RPS25: variants seen among roughly 807,000 people sequenced by gnomAD.
The protein encoded by RPS25 is ribosomal protein S25, also known as small ribosomal subunit protein eS25.
In RPS25, 1 loss-of-function variant was observed where a neutral mutation model predicts 14.4. That is an observed-to-expected ratio of 0.07 (90% CI 0.02 to 0.33). The LOEUF (loss-of-function observed/expected upper bound fraction) is 0.33. Ranked by LOEUF, RPS25 falls within the 10% of genes least tolerant of loss-of-function variation. The pLI is 1.00. For missense variants in RPS25, 65 were observed against 144.6 expected (o/e 0.45, Z 2.82); for synonymous variants, 63 against 53.8 (o/e 1.17, Z -0.75).
At chr11:119,018,188 A>T in intron 1 of RPS25, 94 bp downstream of exon 1, 1 of 1,595,404 alleles carries the variant, frequency 6.3e-7, no homozygotes, top group East Asian at 2.2e-5. Context: ...CCTGCAACCG[A>T]GGCCGGCAGG....
intron 3 of RPS25, among the ~76,000 whole-genome samples, chr11:119,016,154 G>A (rs572294021): frequency 6.6e-6 from 1 of 152,266 alleles, no homozygotes; most frequent in East Asian, 1.9e-4. Flanking sequence ...TGGGCATGGT[G>A]GCACATGCTT....
rs149646116 is a variant in RPS25, at chr11:119,018,012, C to A, written c.45G>T (p.Ser15=). 1.6e-5 allele frequency: 26 copies of A among 1,612,168 alleles called. No homozygotes were observed. The highest frequency in any genetic ancestry group is 2.2e-4 in the Middle Eastern group (1 of 4,566). ...TCACTGGGTCTTTGTCTTTCTTGGC[C>A]GACTTTCCAGCGTCCTTCTTCTTCT... ...DDKKKKDAGK[S]AKKDKDPVNK... The change falls in exon 2 of 5, where the codon TCG becomes TCT. Residue 15 remains serine (S), a synonymous_variant. Coordinates refer to ENST00000527673, the MANE Select transcript of RPS25 (RefSeq NM_001028.3).
rs77562467 is a variant in RPS25 at position 119,017,832 on chromosome 11, G to A, written c.99+126C>T. ...GAAAAAGAACGAGTGGTGACGGGAA[G>A]ATAAACTCTCACATTTTGACTCTAG... On this transcript the variant is annotated intron_variant, in intron 2 of 4. Transcript: ENST00000527673. The A allele has an allele frequency of 5.1e-4, 410 of 796,452 alleles. 1 individual carries two copies. The East Asian group carries it at 6.0e-3, about 12-fold the overall frequency. The allele number at this position is 796,452 out of a possible 1,614,324, so 49.3% of individuals were successfully genotyped here.
Position 119,017,925 on chromosome 11 carries a change from C to T in RPS25, c.99+33G>A, listed in dbSNP as rs184861341. On this transcript the variant is annotated intron_variant, in intron 2 of 4. Coordinates refer to ENST00000527673, the MANE Select transcript of RPS25 (RefSeq NM_001028.3). ...TACTAGAGGATTACGAGAGAGTTAC[C>T]CCTAGTCTCTTTCAGAGAGGTCTTA... The T allele has an allele frequency of 4.2e-5, 64 of 1,538,048 alleles. 1 individual carries two copies. In the Middle Eastern group the frequency reaches 1.1e-3, roughly 27 times the overall value.
rs1330402377 is a variant in RPS25, at chr11:119,015,823, CCA to C, written c.*4+16_*4+17del. On this transcript the variant is annotated intron_variant, in intron 4 of 4. Transcript: ENST00000527673. The stretch of plus-strand genomic sequence containing the variant: ...TGTATCTACCTCCTACACCATGAGC[CCA>C]CACATTCCTACTCACCTATTCATGC... 1.3e-6 allele frequency: 2 copies of C among 1,518,288 alleles called. No homozygotes were observed. Among genetic ancestry groups the C allele is most frequent in the East Asian group, 2.3e-5 (1 of 44,438 alleles). 94.1% of individuals were successfully genotyped at this position (1,518,288 alleles called of 1,614,324 possible). A position where few individuals can be genotyped will look rare whatever the true frequency, so the allele number is the denominator to read the frequency against.
At position 119,017,446 on chromosome 11, in the gene RPS25, G is replaced by A; in HGVS notation, c.199C>T (p.Leu67Phe). 4 of 1,614,052 alleles carry A rather than the reference G, an allele frequency of 2.5e-6. No individual in the cohort carries two copies. Among genetic ancestry groups the A allele is most frequent in the Non-Finnish European group, 3.4e-6 (4 of 1,179,924 alleles). Residue 67 changes from leucine (L) to phenylalanine (F), a missense_variant, in exon 3 of 5, where the codon CTT becomes TTT. By Grantham distance (22) the Leu-to-Phe change is conservative. Transcript: ENST00000527673. ...KLCKEVPNYK[L>F]ITPAVVSERL... ...TCAGAGACCACAGCTGGGGTTATAA[G>A]TTTATAGTTGGGAACTTCCTTACAG...
Position 119,017,564 on chromosome 11 carries a change from CAG to C in RPS25, c.100-21_100-20del, listed in dbSNP as rs781871483. 2.1e-5 allele frequency: 33 copies of C among 1,606,614 alleles called. No homozygotes were observed. Among genetic ancestry groups the C allele is most frequent in the East Asian group, 8.9e-5 (4 of 44,778 alleles). ...ACCACTTCTGCTCACCAAAACAAAACAGAAACAAGTTAGTATTTCTGGCAGAA... is the reference window on the plus strand; with the variant it reads ...ACCACTTCTGCTCACCAAAACAAAACAAACAAGTTAGTATTTCTGGCAGAA... On this transcript the variant is annotated intron_variant, in intron 2 of 4. Transcript: ENST00000527673.
intron 4 of RPS25, 23 bp downstream of exon 4, chr11:119,015,818 T>C: frequency 2.7e-6 from 4 of 1,488,826 alleles, no homozygotes; most frequent in South Asian, 2.3e-5. Context: ...TCCTACACCA[T>C]GAGCCCACAC....
intron 1 of RPS25, 48 bp downstream of exon 1, chr11:119,018,234 A>G (rs1006280700): frequency 5.0e-6 from 8 of 1,613,746 alleles, no homozygotes; most frequent in Non-Finnish European, 5.9e-6. Flanking sequence ...CTCCCCACTG[A>G]GTCCTCAAAC....
chr11:119,016,887 G>A (rs1943173359), intron 3 of RPS25, among the ~76,000 whole-genome samples: 1 of 152,064 alleles, frequency 6.6e-6, no homozygotes, highest in Non-Finnish European at 1.5e-5. Flanking sequence ...CTCCCAAAGT[G>A]CTAGAATTAT....
At chr11:119,016,965 T>C (rs1028827369) in intron 3 of RPS25, among the ~76,000 whole-genome samples, 24 of 152,120 alleles carry the variant, frequency 1.6e-4, no homozygotes, top group Admixed American at 1.3e-4. Context: ...ACCATACTAC[T>C]GAGTAGACCG....
chr11:119,016,024 A>C, intron 3 of RPS25, 85 bp from the exon 4 acceptor site: 17 of 811,510 alleles, frequency 2.1e-5, no homozygotes, highest in Non-Finnish European at 3.0e-5. Context: ...GCGGTGGCTC[A>C]TGCTTATAAT....
chr11:119,017,891 G>A lies in RPS25; in HGVS notation c.99+67C>T, dbSNP rs782565866. ...ACCTGAAAAACCACTTACTATACAA[G>A]TTACCTATTACTAGAGGATTACGAG... On this transcript the variant is annotated intron_variant, in intron 2 of 4. Transcript: ENST00000527673. 2.4e-6 allele frequency: 3 copies of A among 1,269,638 alleles called. No homozygotes were observed. The South Asian group carries it at 3.6e-5, about 15-fold the overall frequency. 78.6% of individuals were successfully genotyped at this position (1,269,638 alleles called of 1,614,324 possible). A position where few individuals can be genotyped will look rare whatever the true frequency, so the allele number is the denominator to read the frequency against.
intron 3 of RPS25, among the ~76,000 whole-genome samples, chr11:119,017,006 A>G (rs921067109): frequency 4.6e-5 from 7 of 152,270 alleles, no homozygotes; most frequent in Admixed American, 3.9e-4. Flanking sequence ...AATTTAATAC[A>G]TCAACAAAAT....
intron 1 of RPS25, 110 bp downstream of exon 1, chr11:119,018,172 G>A: frequency 6.3e-7 from 1 of 1,578,896 alleles, no homozygotes; most frequent in Non-Finnish European, 8.7e-7. Context: ...CAATAACCGC[G>A]CCCGCCCTGC....
intron 3 of RPS25, among the ~76,000 whole-genome samples, chr11:119,016,497 C>G (rs1164214353): frequency 6.6e-6 from 1 of 152,146 alleles, no homozygotes; most frequent in African/African-American, 2.4e-5. Flanking sequence ...TTTGGCCTCC[C>G]AAGTAGCTAG....
rs561284505 is a variant in RPS25, at chr11:119,018,152, A to G, written c.4-99T>C. 4.9e-5 allele frequency: 77 copies of G among 1,563,348 alleles called. No homozygotes were observed. The East Asian group carries it at 1.7e-3, about 34-fold the overall frequency. ...CCCGCAAACTCCACCACCAGAGCAC[A>G]TGGGCCAAGCAATAACCGCGCCCGC... On this transcript the variant is annotated intron_variant, in intron 1 of 4. Transcript: ENST00000527673.
At chr11:119,016,152 G>A (rs780082095) in intron 3 of RPS25, among the ~76,000 whole-genome samples, 2 of 152,178 alleles carry the variant, frequency 1.3e-5, no homozygotes, top group African/African-American at 2.4e-5. Context: ...GCTGGGCATG[G>A]TGGCACATGC....
rs1411671807 is a variant in RPS25, at chr11:119,015,810, C to G, written c.*4+31G>C. On this transcript the variant is annotated intron_variant, in intron 4 of 4. Coordinates refer to ENST00000527673, the MANE Select transcript of RPS25 (RefSeq NM_001028.3). The stretch of plus-strand genomic sequence containing the variant: ...AACCATAAAGCTTTGTATCTACCTC[C>G]TACACCATGAGCCCACACATTCCTA... 2.8e-6 allele frequency: 4 copies of G among 1,450,620 alleles called. No homozygotes were observed. In the South Asian group the frequency reaches 4.6e-5, roughly 17 times the overall value. 89.9% of individuals were successfully genotyped at this position (1,450,620 alleles called of 1,614,324 possible).
Sources: allele counts gnomAD v4.1 joint callset (sites outside exome capture counted in the v4.1 genomes callset), GRCh38; gene constraint gnomAD v4.1.1; transcripts MANE v1.5; gene names NCBI Gene and HGNC (gene_info 2026-07-23, HGNC 2026-07-21).